NOTCH2: variants seen among roughly 807,000 people sequenced by gnomAD.
NOTCH2 encodes the protein neurogenic locus notch homolog protein 2.
In NOTCH2, 29 loss-of-function variants were observed where a neutral mutation model predicts 235.8. The ratio of observed to expected loss-of-function variants is 0.12; its 90% CI spans 0.09 to 0.17. NOTCH2 has a LOEUF of 0.17. Ranked by LOEUF, NOTCH2 falls within the 10% of genes least tolerant of loss-of-function variation. The pLI is 1.00. For synonymous variants in NOTCH2, 1,086 were observed against 1,141.5 expected, an observed-to-expected ratio of 0.95 and a Z score of 0.98; for missense variants, 2,285 against 3,150.2, an observed-to-expected ratio of 0.73 and a Z score of 6.57.
In NOTCH2 at chr1:119,912,519, C is replaced by T. The variant is rs1159815711; in HGVS notation, c.*2787G>A. ...ATTCTCAGACTCTCTTTCCCTCATA[C>T]CTTTCCCTTCCCCACCTCACATAAG... On this transcript the variant is annotated 3_prime_UTR_variant, in exon 34 of 34. Transcript: ENST00000256646. 4 of 233,188 alleles carry T rather than the reference C, an allele frequency of 1.7e-5. No individual in the cohort carries two copies. The South Asian group carries it at 7.3e-4, about 42-fold the overall frequency. 14.4% of individuals were successfully genotyped at this position (233,188 alleles called of 1,614,324 possible).
intron 2 of NOTCH2, among the ~76,000 whole-genome samples, chr1:120,023,443 AAAC>A (rs1470884576): frequency 1.4e-4 from 20 of 144,464 alleles, no homozygotes; most frequent in African/African-American, 5.1e-4. Flanking sequence ...TCTCAAAAAA[AAAC>A]AACAACAAAA....
chr1:120,027,973 A>ATATAC (rs1553210271), intron 2 of NOTCH2, among the ~76,000 whole-genome samples: 4 of 127,148 alleles, frequency 3.1e-5, no homozygotes, highest in African/African-American at 1.0e-4. Context: ...ATGATTTATA[A>ATATAC]TCCTTTGGGT....
At position 120,069,424 on chromosome 1, in the gene NOTCH2, C is replaced by T. The variant is rs1233148392; in HGVS notation, c.-18G>A. The T allele has an allele frequency of 4.9e-5, 75 of 1,537,210 alleles. No individual in the cohort carries two copies. Among genetic ancestry groups the T allele is most frequent in the Non-Finnish European group, 6.4e-5 (74 of 1,149,764 alleles). On this transcript the variant is annotated 5_prime_UTR_variant, in exon 1 of 34. Transcript: ENST00000256646. ...GCGGGCATCTTCTCGGTCGCCTCCT[C>T]CTCCGCCGCCGCCGCCGCCGCCTGG... is the stretch of plus-strand genomic sequence containing the variant.
intron 33 of NOTCH2, 35 bp downstream of exon 33, chr1:119,917,630 T>G (rs748280530): frequency 7.4e-7 from 1 of 1,351,184 alleles, no homozygotes; most frequent in Non-Finnish European, 1.1e-6. Flanking sequence ...GGCACTGCTA[T>G]GAGCCTCCTC....
chr1:119,916,759 C>A, intron 33 of NOTCH2, 65 bp from the exon 34 acceptor site: 1 of 1,532,742 alleles, frequency 6.5e-7, no homozygotes. Context: ...CAGTTTTTCT[C>A]AATCTTTTTT....
At chr1:119,956,529 A>T (rs868990239) in intron 12 of NOTCH2, among the ~76,000 whole-genome samples, 23 of 152,310 alleles carry the variant, frequency 1.5e-4, no homozygotes, top group Middle Eastern at 3.4e-3. Flanking sequence ...CATAATCTGG[A>T]AGTGGCTGCT....
At chr1:120,054,359 G>GA (rs1655067583) in intron 1 of NOTCH2, 2 of 143,682 alleles carry the variant, frequency 1.4e-5, no homozygotes, top group African/African-American at 5.1e-5. Context: ...ATGGTAATAA[G>GA]AAAAAACAAA....
At chr1:119,920,451 A>C (rs892055091) in intron 29 of NOTCH2, 54 bp from the exon 30 acceptor site, 1 of 1,594,610 alleles carries the variant, frequency 6.3e-7, no homozygotes, top group South Asian at 1.1e-5. Flanking sequence ...AGAAACTGCT[A>C]ATCAGAAGGT....
chr1:119,974,399 A>G (rs1651483404), intron 5 of NOTCH2, among the ~76,000 whole-genome samples: 1 of 152,198 alleles, frequency 6.6e-6, no homozygotes, highest in Non-Finnish European at 1.5e-5. Context: ...TGGGCAAAAG[A>G]GAAAGAAGAT....
At chr1:119,988,012 A>G (rs941173620) in intron 4 of NOTCH2, among the ~76,000 whole-genome samples, 1 of 152,186 alleles carries the variant, frequency 6.6e-6, no homozygotes, top group Non-Finnish European at 1.5e-5. Flanking sequence ...ACCAGCTTCT[A>G]TTCTAAACAT....
chr1:120,015,878 GA>G (rs1413804496), intron 2 of NOTCH2, among the ~76,000 whole-genome samples: 1 of 119,014 alleles, frequency 8.4e-6, no homozygotes, highest in Non-Finnish European at 1.7e-5. Flanking sequence ...TCCTGGTAAA[GA>G]GGGGAAAAAA....
At chr1:119,937,537 G>T in intron 20 of NOTCH2, 71 bp from the exon 21 acceptor site, 2 of 1,438,890 alleles carry the variant, frequency 1.4e-6, no homozygotes, top group Non-Finnish European at 1.9e-6. Context: ...CAACCAATGA[G>T]CAAGTAAATC....
chr1:120,001,268 G>A (rs1259077775), intron 3 of NOTCH2, among the ~76,000 whole-genome samples: 1 of 152,054 alleles, frequency 6.6e-6, no homozygotes, highest in African/African-American at 2.4e-5. Context: ...GTTTTTGCCA[G>A]AGTGCCAACT....
chr1:119,944,962 G>A (rs1236308737), intron 17 of NOTCH2, among the ~76,000 whole-genome samples: 8 of 152,088 alleles, frequency 5.3e-5, no homozygotes, highest in Non-Finnish European at 8.8e-5. Flanking sequence ...TTGAAAATAC[G>A]TAGGTAACTT....
intron 29 of NOTCH2, 108 bp from the exon 30 acceptor site, chr1:119,920,505 C>A: frequency 8.2e-7 from 1 of 1,215,196 alleles, no homozygotes; most frequent in East Asian, 2.4e-5. Flanking sequence ...ATTGTTTTCT[C>A]TCTTCCTACT....
In NOTCH2 at chr1:119,925,757, C is replaced by G. The variant is rs587725973; in HGVS notation, c.4059G>C (p.Lys1353Asn). 3 of 1,614,170 alleles carry G rather than the reference C, an allele frequency of 1.9e-6. No homozygotes were observed. The highest frequency in any genetic ancestry group is 2.7e-5 in the African/African-American group (2 of 75,062). The change falls in exon 25 of 34, where the codon AAG becomes AAC. Residue 1353 changes from lysine to asparagine, a missense_variant. Coordinates refer to ENST00000256646, the MANE Select transcript of NOTCH2 (RefSeq NM_024408.4). Reference sequence around the variant, plus strand: ...AGGCGGTGTGCACACACTGCTCCCCCTTCCTACATTTCACTTGTCCACAGC... The same window carrying G: ...AGGCGGTGTGCACACACTGCTCCCCGTTCCTACATTTCACTTGTCCACAGC... ...QSSCGQVKCR[K>N]GEQCVHTASG...
In NOTCH2 at chr1:119,915,284, T is replaced by A; in HGVS notation, c.*22A>T. 1 of 1,611,498 alleles carries A rather than the reference T, an allele frequency of 6.2e-7. No homozygotes were observed. On this transcript the variant is annotated 3_prime_UTR_variant, in exon 34 of 34. Transcript: ENST00000256646. ...AGCATTTACAAAAGTCAGTTATGTC[T>A]CTACACTGGAGGTGGACTCTCTCAC...
chr1:119,953,582 C>G lies in NOTCH2; in HGVS notation c.2326G>C (p.Val776Leu). Residue 776 changes from valine to leucine, a missense_variant, in exon 14 of 34, where the codon GTG becomes CTG. By Grantham distance (32) the Val-to-Leu change is conservative. This residue lies in a region of NOTCH2 where 1,173 missense variants were observed against 1,515.3 expected (regional missense o/e 0.77). Coordinates refer to ENST00000256646, the MANE Select transcript of NOTCH2 (RefSeq NM_024408.4). ...TTGCAAGTACACCTGTATCCATTCA[C>G]CAGATTGTCACAAGTTCCTCCATTC... ...CQNGGTCDNL[V>L]NGYRCTCKKG... 1 of 1,614,172 alleles carries G rather than the reference C, an allele frequency of 6.2e-7. No homozygotes were observed. Among genetic ancestry groups the G allele is most frequent in the South Asian group, 1.1e-5 (1 of 91,078 alleles).
chr1:119,978,325 T>G (rs1222335974), intron 5 of NOTCH2, among the ~76,000 whole-genome samples: 1 of 152,088 alleles, frequency 6.6e-6, no homozygotes, highest in Non-Finnish European at 1.5e-5. Flanking sequence ...GGGAGTTACA[T>G]GCACAGCCTT....
Sources: allele counts gnomAD v4.1 joint callset (sites outside exome capture counted in the v4.1 genomes callset), GRCh38; gene constraint gnomAD v4.1.1; regional missense constraint gnomAD v4.1.1; transcripts MANE v1.5; gene names NCBI Gene and HGNC (gene_info 2026-07-23, HGNC 2026-07-21).